HENMT1: variants seen among roughly 807,000 people sequenced by gnomAD.
The protein encoded by HENMT1 is HEN methyltransferase 1, also known as small RNA 2'-O-methyltransferase.
Under a neutral mutation model 31.1 loss-of-function variants are expected in HENMT1, and 27 were observed. The observed-to-expected ratio is 0.87, with a 90% CI of 0.64 to 1.20. The LOEUF (loss-of-function observed/expected upper bound fraction) is 1.20. HENMT1 is among the 50% of genes most tolerant of loss of function. HENMT1 has a pLI of 0.00. For missense variants in HENMT1, 438 were observed against 469.6 expected (o/e 0.93, Z 0.62); for synonymous variants, 167 against 172.2 (o/e 0.97, Z 0.24).
At chr1:108,659,516 T>G (rs1191816928) in intron 2 of HENMT1, among the ~76,000 whole-genome samples, 1 of 152,168 alleles carries the variant, frequency 6.6e-6, no homozygotes, top group Non-Finnish European at 1.5e-5. Flanking sequence ...CTAGAAACTT[T>G]AGAAACACAA....
chr1:108,654,080 G>C (rs989125942), intron 5 of HENMT1, among the ~76,000 whole-genome samples: 1 of 152,138 alleles, frequency 6.6e-6, no homozygotes, highest in African/African-American at 2.4e-5. Context: ...AGAGATAGGA[G>C]TCTAATTTCA....
At chr1:108,658,385 G>T (rs1335419098) in intron 2 of HENMT1, among the ~76,000 whole-genome samples, 2 of 151,978 alleles carry the variant, frequency 1.3e-5, no homozygotes, top group Admixed American at 1.3e-4. Flanking sequence ...CACCCGCCTT[G>T]GCCTCCCAAA....
chr1:108,653,950 C>T (rs1414906773), intron 5 of HENMT1, among the ~76,000 whole-genome samples: 1 of 152,162 alleles, frequency 6.6e-6, no homozygotes, highest in Non-Finnish European at 1.5e-5. Context: ...TGTAGTCTTA[C>T]TCAAAATCTT....
At position 108,648,664 on chromosome 1, in the gene HENMT1, T is replaced by C; in HGVS notation, c.1084A>G (p.Met362Val). 6.2e-7 allele frequency: 1 copy of C among 1,614,188 alleles called. No homozygotes were observed. Among genetic ancestry groups the C allele is most frequent in the Non-Finnish European group, 8.5e-7 (1 of 1,180,018 alleles). Residue 362 changes from methionine (M) to valine (V), a missense_variant, in exon 8 of 8, where the codon ATG becomes GTG. Physicochemically the swap from Met to Val is conservative, Grantham distance 21 (BLOSUM62 1). Coordinates refer to ENST00000651461, the MANE Select transcript of HENMT1 (RefSeq NM_001102592.2). ...ATTGAGTCAGCAATGACTGATCTCA[T>C]CATCTCTTCATTAGCACATAAGCGG... ...LNRLCANEEM[M>V]RSVIADSIPL...
intron 2 of HENMT1, among the ~76,000 whole-genome samples, chr1:108,658,763 A>G (rs1658347537): frequency 6.6e-6 from 1 of 152,190 alleles, no homozygotes; most frequent in Non-Finnish European, 1.5e-5. Context: ...TCATCTTTGC[A>G]ATGTTCTTAT....
chr1:108,652,228 T>C (rs981657299), intron 5 of HENMT1, among the ~76,000 whole-genome samples: 2 of 152,212 alleles, frequency 1.3e-5, no homozygotes, highest in Non-Finnish European at 1.5e-5. Context: ...AATGTGGACT[T>C]AGATTAGGTA....
intron 2 of HENMT1, among the ~76,000 whole-genome samples, 193 bp from the exon 3 acceptor site, chr1:108,657,772 G>A (rs1393209229): frequency 6.6e-6 from 1 of 151,986 alleles, no homozygotes; most frequent in Non-Finnish European, 1.5e-5. Flanking sequence ...ATCCTCTCAT[G>A]CCTTTTAACA....
At position 108,653,517 on chromosome 1, in the gene HENMT1, C is replaced by T. The variant is rs1017627618; in HGVS notation, c.398+1199G>A. On this transcript the variant is annotated intron_variant, in intron 5 of 7. Coordinates refer to ENST00000651461, the MANE Select transcript of HENMT1 (RefSeq NM_001102592.2). ...TTTTCAGTTTTTTGAAAAACCTCCA[C>T]ACTGTTTTCAATAACGGCTGTACTA... Among the ~76,000 whole-genome samples the T allele has an allele frequency of 7.9e-5, 12 of 152,250 alleles. 1 individual carries two copies. Among genetic ancestry groups the T allele is most frequent in the Admixed American group, 7.9e-4 (12 of 15,286 alleles).
chr1:108,658,080 C>CTT (rs1557742154), intron 2 of HENMT1, among the ~76,000 whole-genome samples: 5 of 126,662 alleles, frequency 3.9e-5, no homozygotes, highest in African/African-American at 1.4e-4. Flanking sequence ...TACACACACA[C>CTT]ACACACACAC....
At chr1:108,659,731 C>A in intron 2 of HENMT1, 133 bp downstream of exon 2, 1 of 609,336 alleles carries the variant, frequency 1.6e-6, no homozygotes, top group Non-Finnish European at 2.9e-6. Context: ...TATGTATACC[C>A]TTGTTTACCT....
intron 3 of HENMT1, among the ~76,000 whole-genome samples, chr1:108,656,954 T>C (rs1260092065): frequency 1.3e-5 from 2 of 152,188 alleles, no homozygotes; most frequent in Non-Finnish European, 2.9e-5. Context: ...TGGCATCTGC[T>C]AAAGGAATCC....
At chr1:108,661,287 A>C (rs1267206529), upstream of HENMT1, 1 of 152,288 alleles carries the variant, frequency 6.6e-6, no homozygotes, top group African/African-American at 2.4e-5. Context: ...TGCGTCTCGT[A>C]ACGGCCGCTG....
chr1:108,660,286 G>C (rs1445366548), intron 1 of HENMT1, among the ~76,000 whole-genome samples: 1 of 152,126 alleles, frequency 6.6e-6, no homozygotes, highest in Non-Finnish European at 1.5e-5. Flanking sequence ...GGCTCAGAAA[G>C]CGTAACTTTT....
chr1:108,651,708 C>G (rs1658060114), intron 5 of HENMT1, among the ~76,000 whole-genome samples: 1 of 136,952 alleles, frequency 7.3e-6, no homozygotes, highest in Non-Finnish European at 1.5e-5. Flanking sequence ...GAGAGAGAGA[C>G]AGACAGAAAG....
At position 108,648,319 on chromosome 1, in the gene HENMT1, C is replaced by A; in HGVS notation, c.*247G>T. On this transcript the variant is annotated 3_prime_UTR_variant, in exon 8 of 8. Transcript: ENST00000651461. ...ATTAACATATTACCACATCCAACTT[C>A]TTTATTCTTGAGAAAACAAAAAAGT... The A allele has an allele frequency of 2.0e-6, 1 of 504,864 alleles. No individual in the cohort carries two copies. The highest frequency in any genetic ancestry group is 3.5e-6 in the Non-Finnish European group (1 of 285,752). 31.3% of individuals were successfully genotyped at this position (504,864 alleles called of 1,614,324 possible). A position where few individuals can be genotyped will look rare whatever the true frequency, so the allele number is the denominator to read the frequency against.
Position 108,650,386 on chromosome 1 carries a change from GCC to G in HENMT1, c.579_580del (p.Trp193CysfsTer9). The G allele has an allele frequency of 6.2e-7, 1 of 1,608,392 alleles. No homozygotes were observed. The highest frequency in any genetic ancestry group is 2.2e-5 in the East Asian group (1 of 44,844). ...ATCATAGCGATTTGCCACATATAAA[GCC>G]CTGAAACCAAAACGAGGACAGCAAT... On this transcript the variant is annotated frameshift_variant and splice_region_variant, in exon 7 of 8. Coordinates refer to ENST00000651461, the MANE Select transcript of HENMT1 (RefSeq NM_001102592.2). LOFTEE classifies it high-confidence loss of function.
At chr1:108,652,046 G>A (rs902339838) in intron 5 of HENMT1, among the ~76,000 whole-genome samples, 10 of 152,206 alleles carry the variant, frequency 6.6e-5, no homozygotes, top group South Asian at 2.1e-4. Flanking sequence ...ATATTCTTCA[G>A]AAATATCAAG....
intron 2 of HENMT1, among the ~76,000 whole-genome samples, chr1:108,658,080 C>T (rs867981913): frequency 0.025 from 3,157 of 126,610 alleles, 149 homozygotes; most frequent in African/African-American, 0.085. Context: ...TACACACACA[C>T]ACACACACAC....
intron 5 of HENMT1, among the ~76,000 whole-genome samples, chr1:108,652,024 A>G (rs1250223696): frequency 6.6e-6 from 1 of 152,234 alleles, no homozygotes; most frequent in Non-Finnish European, 1.5e-5. Flanking sequence ...GCGACATTCT[A>G]GAAAATAGCA....
Sources: gnomAD v4.1 joint callset for allele counts (sites outside exome capture counted in the v4.1 genomes callset) on GRCh38, gnomAD v4.1.1 for gene constraint, MANE v1.5 for transcripts, NCBI Gene and HGNC (gene_info 2026-07-23, HGNC 2026-07-21) for gene names.